The following GRIP2 variants were observed in gnomAD, a reference collection of about 807,000 sequenced individuals.
GRIP2 encodes the protein glutamate receptor-interacting protein 2.
Under a neutral mutation model 108.3 loss-of-function variants are expected in GRIP2, and 58 were observed. The observed-to-expected ratio is 0.54, with a 90% confidence interval of 0.43 to 0.67. GRIP2 has a LOEUF of 0.67. Ranked by LOEUF, GRIP2 falls within the 30% of genes least tolerant of loss-of-function variation. The pLI is 0.00. For synonymous variants in GRIP2, 586 were observed against 598.2 expected (o/e 0.98, Z 0.30); for missense variants, 1,278 against 1,430.6 (o/e 0.89, Z 1.72).
chr3:14,560,525 C>G (rs1695302644), upstream of GRIP2, among the ~76,000 whole-genome samples: 1 of 152,196 alleles, frequency 6.6e-6, no homozygotes, highest in South Asian at 2.1e-4. Flanking sequence ...CAAGGATGGG[C>G]ACATGACCCA....
intron 1 of GRIP2, among the ~76,000 whole-genome samples, chr3:14,555,406 A>T (rs1015568061): frequency 1.3e-5 from 2 of 152,122 alleles, no homozygotes; most frequent in African/African-American, 4.8e-5. Flanking sequence ...GCGATGAAGG[A>T]GACACACAGG....
chr3:14,502,853 C>T (rs897212260), intron 21 of GRIP2, among the ~76,000 whole-genome samples: 1 of 151,968 alleles, frequency 6.6e-6, no homozygotes, highest in African/African-American at 2.4e-5. Flanking sequence ...CTTTGAGCAA[C>T]CTAGTAATTG....
At chr3:14,596,565 C>T in the GRIP2 span, among the ~76,000 whole-genome samples, 32 of 152,136 alleles carry the variant, frequency 2.1e-4, no homozygotes, top group African/African-American at 7.2e-4. Context: ...TACTAGTCAC[C>T]GGGAATACAG....
At chr3:14,546,493 C>T (rs555127912), upstream of GRIP2, among the ~76,000 whole-genome samples, 32 of 152,264 alleles carry the variant, frequency 2.1e-4, no homozygotes, top group East Asian at 4.3e-3. Flanking sequence ...GTCCCTTCTG[C>T]TCTGAGCCTC....
chr3:14,590,719 A>T, the GRIP2 span, among the ~76,000 whole-genome samples: 1 of 152,214 alleles, frequency 6.6e-6, no homozygotes, highest in East Asian at 1.9e-4. Context: ...GCTCAAATTC[A>T]TCTAGCAAGT....
At chr3:14,509,266 G>A (rs908361574) in intron 17 of GRIP2, among the ~76,000 whole-genome samples, 1 of 152,196 alleles carries the variant, frequency 6.6e-6, no homozygotes. Flanking sequence ...CTTGCCTGCC[G>A]GATTCATCCC....
intron 1 of GRIP2, among the ~76,000 whole-genome samples, chr3:14,528,556 T>A (rs1694623699): frequency 6.6e-6 from 1 of 152,136 alleles, no homozygotes; most frequent in Non-Finnish European, 1.5e-5. Flanking sequence ...TCAGTTAGGG[T>A]TTAAACGAAA....
chr3:14,508,056 G>A (rs766259088), intron 17 of GRIP2, among the ~76,000 whole-genome samples: 7 of 152,190 alleles, frequency 4.6e-5, no homozygotes, highest in Non-Finnish European at 7.3e-5. Context: ...TGTAAAATGG[G>A]GGTGATAATA....
chr3:14,561,639 C>T, the GRIP2 span, among the ~76,000 whole-genome samples: 1 of 152,234 alleles, frequency 6.6e-6, no homozygotes, highest in African/African-American at 2.4e-5. Context: ...CTTCACAAAG[C>T]TCCAGAGGCC....
chr3:14,529,591 A>C (rs984244618), intron 1 of GRIP2, among the ~76,000 whole-genome samples: 2 of 152,256 alleles, frequency 1.3e-5, no homozygotes, highest in African/African-American at 4.8e-5. Flanking sequence ...GGCTCTTGAA[A>C]GCTTTGTTTG....
At chr3:14,580,961 C>A in the GRIP2 span, among the ~76,000 whole-genome samples, 2 of 152,094 alleles carry the variant, frequency 1.3e-5, no homozygotes, top group African/African-American at 2.4e-5. Flanking sequence ...AACATAGAGA[C>A]CCTGCTTGAG....
intron 1 of GRIP2, among the ~76,000 whole-genome samples, chr3:14,555,185 CAG>C (rs770482400): frequency 2.6e-4 from 39 of 152,272 alleles, no homozygotes; most frequent in Non-Finnish European, 3.2e-4. Context: ...GGGCTCAGCA[CAG>C]AGAGTCTTGC....
chr3:14,542,757 AT>A (rs1694998568), upstream of GRIP2, among the ~76,000 whole-genome samples: 1 of 152,168 alleles, frequency 6.6e-6, no homozygotes, highest in Non-Finnish European at 1.5e-5. Flanking sequence ...GCACATTTTC[AT>A]TTGATTTTAT....
the GRIP2 span, among the ~76,000 whole-genome samples, chr3:14,588,431 G>A: frequency 3.3e-5 from 5 of 152,238 alleles, no homozygotes; most frequent in African/African-American, 1.2e-4. Flanking sequence ...TGGTCTCTGA[G>A]AATAGGTCCT....
chr3:14,549,265 G>A (rs1695105248), intron 1 of GRIP2, among the ~76,000 whole-genome samples: 2 of 152,228 alleles, frequency 1.3e-5, no homozygotes, highest in South Asian at 4.1e-4. Context: ...CTGCTGTCTA[G>A]TACAGCTTGT....
rs567083053 is a variant in GRIP2, at chr3:14,529,546, C to T, written c.41-3615G>A. ...TAATACCATAATTATTAGTCTAATA[C>T]CCATTCCAAATTTTAATTCCAACAG... On this transcript the variant is annotated intron_variant, in intron 1 of 23. Coordinates refer to ENST00000621039, the MANE Select transcript of GRIP2 (RefSeq NM_001080423.4). Among the ~76,000 whole-genome samples the T allele has an allele frequency of 2.6e-5, 4 of 152,232 alleles. No homozygotes were observed. The East Asian group carries it at 5.8e-4, about 22-fold the overall frequency.
chr3:14,528,457 C>A (rs1462924923), intron 1 of GRIP2, among the ~76,000 whole-genome samples: 7 of 152,252 alleles, frequency 4.6e-5, no homozygotes, highest in Non-Finnish European at 7.3e-5. Flanking sequence ...AACTGCCAAA[C>A]TGTTTCAAAG....
chr3:14,587,523 C>A, the GRIP2 span, among the ~76,000 whole-genome samples: 1 of 151,884 alleles, frequency 6.6e-6, no homozygotes, highest in African/African-American at 2.4e-5. Flanking sequence ...CCTGTAGTCC[C>A]AGCTACTAGG....
chr3:14,565,818 GA>G, the GRIP2 span, among the ~76,000 whole-genome samples: 3 of 152,216 alleles, frequency 2.0e-5, no homozygotes, highest in Non-Finnish European at 4.4e-5. Flanking sequence ...AGCCCACACA[GA>G]GGGGCGCTGG....
Sources: gnomAD v4.1 joint callset for allele counts (sites outside exome capture counted in the v4.1 genomes callset) on GRCh38, gnomAD v4.1.1 for gene constraint, MANE v1.5 for transcripts, NCBI Gene and HGNC (gene_info 2026-07-23, HGNC 2026-07-21) for gene names.